TMEM135: variants seen among roughly 807,000 people sequenced by gnomAD.
TMEM135 encodes peroxisomal membrane protein 52.
TMEM135 carries 30 observed loss-of-function variants against 60.3 expected under a neutral mutation model. The ratio of observed to expected loss-of-function variants is 0.50; its 90% CI spans 0.37 to 0.68. The LOEUF (loss-of-function observed/expected upper bound fraction) is 0.68, where lower values mean the gene tolerates loss of function less well. Among genes scored for constraint, TMEM135 ranks in the 30% least tolerant of loss-of-function variants. The probability of loss-of-function intolerance (pLI) is 0.00; values close to 1 mark genes in which losing one functional copy is unlikely to be tolerated. For missense variants in TMEM135, 468 were observed against 548.8 expected (o/e 0.85, Z 1.47); for synonymous variants, 190 against 186.7 (o/e 1.02, Z -0.14).
intron 6 of TMEM135, among the ~76,000 whole-genome samples, chr11:87,253,778 T>C (rs561902013): frequency 4.0e-5 from 6 of 151,314 alleles, no homozygotes; most frequent in African/African-American, 1.5e-4. Context: ...TGTGTAATCT[T>C]ATTTCTAAGT....
At chr11:87,202,885 T>G in intron 5 of TMEM135, among the ~76,000 whole-genome samples, 1 of 151,292 alleles carries the variant, frequency 6.6e-6, no homozygotes, top group Non-Finnish European at 1.5e-5. Flanking sequence ...ACAAAAAAAT[T>G]AGCTGGGCGT....
At chr11:87,187,289 G>A (rs138405565) in intron 5 of TMEM135, among the ~76,000 whole-genome samples, 3,156 of 152,278 alleles carry the variant, frequency 0.021, 34 homozygotes, top group South Asian at 0.032. Flanking sequence ...AGTTAGAGGG[G>A]CCAGCAGGGA....
chr11:87,140,714 A>G (rs767358752), intron 4 of TMEM135, among the ~76,000 whole-genome samples: 4 of 152,216 alleles, frequency 2.6e-5, no homozygotes, highest in Non-Finnish European at 5.9e-5. Flanking sequence ...AATCAAGATC[A>G]TAAATGTTTT....
At chr11:87,055,243 A>G (rs545589280) in intron 1 of TMEM135, among the ~76,000 whole-genome samples, 28 of 152,222 alleles carry the variant, frequency 1.8e-4, no homozygotes, top group Admixed American at 1.8e-3. Flanking sequence ...GGCACAAAAA[A>G]CAAATTTTAA....
In TMEM135 at chr11:87,160,035, G is replaced by A. The variant is rs7936847; in HGVS notation, c.462+2629G>A. 1.8e-3 allele frequency among the ~76,000 whole-genome samples: 277 copies of A among 152,236 alleles called. 4 individuals are homozygous for A. The highest frequency in any genetic ancestry group is 6.2e-3 in the African/African-American group (257 of 41,550). ...AAAAAATGTGCTAGGCCAGTACTGC[G>A]AAAATATTTGTTAAGCGGGGATTCA... On this transcript the variant is annotated intron_variant, in intron 5 of 14. Coordinates refer to ENST00000305494, the MANE Select transcript of TMEM135 (RefSeq NM_022918.4).
intron 5 of TMEM135, among the ~76,000 whole-genome samples, chr11:87,189,372 G>A (rs1388670665): frequency 6.6e-6 from 1 of 152,006 alleles, no homozygotes; most frequent in East Asian, 1.9e-4. Context: ...TGTTGGCCAG[G>A]CTGGTCTCAA....
At chr11:87,308,846 T>G (rs1942594257) in intron 9 of TMEM135, among the ~76,000 whole-genome samples, 1 of 152,256 alleles carries the variant, frequency 6.6e-6, no homozygotes, top group African/African-American at 2.4e-5. Flanking sequence ...TATAGAGAAA[T>G]GTTGACAGCA....
chr11:87,291,708 A>T (rs933755573), intron 6 of TMEM135, among the ~76,000 whole-genome samples: 1 of 151,378 alleles, frequency 6.6e-6, no homozygotes, highest in Admixed American at 6.6e-5. Context: ...ACGCCCGGCT[A>T]ATTTTTGTGT....
At chr11:87,117,710 C>G (rs1329245145) in intron 4 of TMEM135, among the ~76,000 whole-genome samples, 2 of 152,128 alleles carry the variant, frequency 1.3e-5, no homozygotes, top group African/African-American at 2.4e-5. Flanking sequence ...GGTCTTGAAC[C>G]CCTCTACGTC....
intron 4 of TMEM135, among the ~76,000 whole-genome samples, chr11:87,149,701 A>C (rs11234992): frequency 0.066 from 10,062 of 152,200 alleles, 356 homozygotes; most frequent in African/African-American, 0.086. Flanking sequence ...TTTTCTCTCA[A>C]CTATGATTCT....
chr11:87,131,999 T>G (rs986675157), intron 4 of TMEM135, among the ~76,000 whole-genome samples: 9 of 152,138 alleles, frequency 5.9e-5, no homozygotes, highest in African/African-American at 2.2e-4. Context: ...TAATGCCTGA[T>G]GATCTGGCAC....
intron 3 of TMEM135, among the ~76,000 whole-genome samples, chr11:87,075,441 A>G (rs1317771970): frequency 6.6e-6 from 1 of 152,180 alleles, no homozygotes; most frequent in African/African-American, 2.4e-5. Flanking sequence ...GGCGTTCGCC[A>G]CTGCACCCGG....
intron 5 of TMEM135, among the ~76,000 whole-genome samples, chr11:87,166,694 T>G (rs1409307120): frequency 1.3e-5 from 2 of 151,774 alleles, no homozygotes; most frequent in Non-Finnish European, 2.9e-5. Flanking sequence ...ACCATGCTGT[T>G]TTGATTACTG....
chr11:87,100,010 G>C (rs71465677), intron 4 of TMEM135, among the ~76,000 whole-genome samples: 2 of 152,126 alleles, frequency 1.3e-5, no homozygotes, highest in African/African-American at 4.8e-5. Flanking sequence ...GTGTTCCTGA[G>C]TGGTGGCTGT....
At chr11:87,246,932 T>A (rs1302131558) in intron 6 of TMEM135, among the ~76,000 whole-genome samples, 5 of 138,312 alleles carry the variant, frequency 3.6e-5, no homozygotes, top group Admixed American at 7.4e-5. Context: ...GGCACTCTGC[T>A]TTTTAGAGTT....
intron 6 of TMEM135, among the ~76,000 whole-genome samples, chr11:87,287,233 A>G (rs1413728045): frequency 6.6e-6 from 1 of 152,222 alleles, no homozygotes; most frequent in Non-Finnish European, 1.5e-5. Context: ...TCTTCAAGTG[A>G]TCAGCAACAC....
chr11:87,063,301 A>G (rs1271582652), intron 1 of TMEM135, among the ~76,000 whole-genome samples: 3 of 152,242 alleles, frequency 2.0e-5, no homozygotes, highest in Admixed American at 2.0e-4. Flanking sequence ...TTTTAACCAT[A>G]GTGGTATGAT....
At chr11:87,175,429 T>C (rs1939342980) in intron 5 of TMEM135, among the ~76,000 whole-genome samples, 2 of 152,190 alleles carry the variant, frequency 1.3e-5, no homozygotes, top group South Asian at 4.1e-4. Context: ...ATTTTAAAAA[T>C]ATCAGATCAT....
At chr11:87,248,993 T>C (rs1941355971) in intron 6 of TMEM135, among the ~76,000 whole-genome samples, 2 of 152,162 alleles carry the variant, frequency 1.3e-5, no homozygotes, top group Admixed American at 1.3e-4. Context: ...TTTATTCTAA[T>C]AGTTTTTGGT....
Sources: gnomAD v4.1 joint callset for allele counts (sites outside exome capture counted in the v4.1 genomes callset) on GRCh38, gnomAD v4.1.1 for gene constraint, MANE v1.5 for transcripts, NCBI Gene and HGNC (gene_info 2026-07-23, HGNC 2026-07-21) for gene names.